ZNF532: variants seen among roughly 807,000 people sequenced by gnomAD.
ZNF532 encodes the protein zinc finger protein 532.
Under a neutral mutation model 89.3 loss-of-function variants are expected in ZNF532, and 22 were observed. That is an observed-to-expected ratio of 0.25 (90% CI 0.18 to 0.35). The LOEUF is 0.35. Ranked by LOEUF, ZNF532 falls within the 10% of genes least tolerant of loss-of-function variation. ZNF532 has a pLI of 1.00. For synonymous variants in ZNF532, 606 were observed against 649.6 expected (o/e 0.93, Z 1.02); for missense variants, 1,132 against 1,643.4 (o/e 0.69, Z 5.38).
chr18:58,972,110 A>AT (rs1331782586), intron 7 of ZNF532, among the ~76,000 whole-genome samples: 32 of 152,218 alleles, frequency 2.1e-4, no homozygotes, highest in African/African-American at 7.5e-4. Context: ...AGGCTGAGGT[A>AT]CGAGAATCAC....
At chr18:58,903,316 A>C (rs1255302995) in intron 2 of ZNF532, among the ~76,000 whole-genome samples, 1 of 152,212 alleles carries the variant, frequency 6.6e-6, no homozygotes, top group African/African-American at 2.4e-5. Flanking sequence ...CACACGCGGA[A>C]CCGCAGCAGC....
intron 2 of ZNF532, among the ~76,000 whole-genome samples, chr18:58,907,390 C>T (rs747154417): frequency 1.3e-5 from 2 of 151,952 alleles, no homozygotes; most frequent in Non-Finnish European, 2.9e-5. Context: ...TTTACCATGT[C>T]AGCCAGGCTG....
chr18:58,872,733 T>C (rs568758968), intron 2 of ZNF532, among the ~76,000 whole-genome samples: 1 of 151,176 alleles, frequency 6.6e-6, no homozygotes, highest in Admixed American at 6.6e-5. Context: ...CGAGTTTTGC[T>C]GTGTCGCTCA....
At chr18:58,890,031 C>G (rs911635056) in intron 2 of ZNF532, among the ~76,000 whole-genome samples, 2 of 151,596 alleles carry the variant, frequency 1.3e-5, no homozygotes, top group African/African-American at 2.4e-5. Context: ...TGTGGTAAGC[C>G]AAGATCGCGC....
intron 2 of ZNF532, among the ~76,000 whole-genome samples, chr18:58,870,964 C>T (rs749714383): frequency 1.3e-5 from 2 of 151,980 alleles, no homozygotes; most frequent in Non-Finnish European, 2.9e-5. Flanking sequence ...AGGAGGGTTG[C>T]TTGGGCTGGA....
At chr18:58,924,296 C>G (rs982189264) in intron 3 of ZNF532, among the ~76,000 whole-genome samples, 1 of 152,244 alleles carries the variant, frequency 6.6e-6, no homozygotes, top group African/African-American at 2.4e-5. Context: ...CCTGTGCTTT[C>G]TGGGGTAGGA....
intron 2 of ZNF532, among the ~76,000 whole-genome samples, chr18:58,889,628 C>T (rs1258226640): frequency 6.7e-6 from 1 of 149,562 alleles, no homozygotes; most frequent in African/African-American, 2.5e-5. Context: ...GGTGAAACCC[C>T]CTCTCTACTA....
intron 2 of ZNF532, among the ~76,000 whole-genome samples, chr18:58,897,743 A>G (rs144164328): frequency 6.6e-6 from 1 of 152,342 alleles, no homozygotes; most frequent in Non-Finnish European, 1.5e-5. Flanking sequence ...ACCTGAGATC[A>G]GGAGTTTGAG....
In ZNF532 at chr18:58,970,383, GAAAT is replaced by G. The variant is rs1457965009; in HGVS notation, c.3151-8669_3151-8666del. Among the ~76,000 whole-genome samples the G allele has an allele frequency of 3.3e-5, 5 of 152,302 alleles. No homozygotes were observed. In the East Asian group the frequency reaches 9.6e-4, roughly 29 times the overall value. On this transcript the variant is annotated intron_variant, in intron 7 of 9. Coordinates refer to ENST00000591808, the MANE Select transcript of ZNF532 (RefSeq NM_001375912.1). ...TTCTCTGAGAACAGGAATAATAAGA[GAAAT>G]AACATGTCACCCATCTGTAGATGGA...
intron 4 of ZNF532, among the ~76,000 whole-genome samples, chr18:58,937,546 T>A (rs1444449678): frequency 1.3e-5 from 2 of 152,218 alleles, no homozygotes; most frequent in Non-Finnish European, 2.9e-5. Context: ...TGACTTTAGG[T>A]AATTATTGCT....
intron 2 of ZNF532, among the ~76,000 whole-genome samples, chr18:58,888,724 T>TATATATA (rs753186648): frequency 2.6e-5 from 1 of 37,824 alleles, no homozygotes; most frequent in African/African-American, 1.3e-4. Flanking sequence ...TATATATATA[T>TATATATA]AAATTATATA....
intron 7 of ZNF532, among the ~76,000 whole-genome samples, chr18:58,969,958 C>T (rs1219346694): frequency 7.1e-6 from 1 of 141,116 alleles, no homozygotes. Context: ...GATCTCAGCT[C>T]ACTGCAACCT....
intron 9 of ZNF532, among the ~76,000 whole-genome samples, chr18:58,982,737 C>T (rs1035195171): frequency 3.9e-5 from 6 of 152,150 alleles, no homozygotes; most frequent in Admixed American, 2.0e-4. Flanking sequence ...AGTTAATCAT[C>T]GAGTAAAACC....
chr18:58,977,329 T>C (rs563594554), intron 7 of ZNF532, among the ~76,000 whole-genome samples: 27 of 152,142 alleles, frequency 1.8e-4, no homozygotes, highest in Admixed American at 3.3e-4. Context: ...CCCCGTGTTC[T>C]CGAAGCGTCC....
intron 2 of ZNF532, among the ~76,000 whole-genome samples, chr18:58,876,505 C>A (rs2057443555): frequency 6.6e-6 from 1 of 152,162 alleles, no homozygotes; most frequent in African/African-American, 2.4e-5. Flanking sequence ...GACATGGGGG[C>A]CAGGACTGTT....
chr18:58,952,997 C>G (rs988717254), intron 6 of ZNF532, among the ~76,000 whole-genome samples: 1 of 152,156 alleles, frequency 6.6e-6, no homozygotes, highest in Non-Finnish European at 1.5e-5. Context: ...CCAGCAAAAA[C>G]CCAGACTGTT....
rs200882873 is a variant in ZNF532 at position 58,918,389 on chromosome 18, C to T, written c.102C>T (p.His34=). 128 of 1,614,168 alleles carry T rather than the reference C, an allele frequency of 7.9e-5. No homozygotes were observed. In the East Asian group the frequency reaches 2.1e-3, roughly 27 times the overall value. The change falls in exon 3 of 10, where the codon CAC becomes CAT. Residue 34 remains histidine, a synonymous_variant. Coordinates refer to ENST00000591808, the MANE Select transcript of ZNF532 (RefSeq NM_001375912.1). ...CTAAAGCAGCTATTGAGTCTGGACA[C>T]GATGACCATGAAAGCCACATGAAGC... ...VDPKAAIESG[H]DDHESHMKQN...
rs536846952 is a variant in ZNF532 at position 58,948,725 on chromosome 18, A to G, written c.2868+496A>G. Among the ~76,000 whole-genome samples the G allele has an allele frequency of 3.3e-5, 5 of 151,764 alleles. No individual in the cohort carries two copies. The South Asian group carries it at 8.3e-4, about 25-fold the overall frequency. ...TGGGATTACAGGCGTGTACCACCACACCCGGCTAATTTTTATATTTTTAGT... is the reference window on the plus strand; with the variant it reads ...TGGGATTACAGGCGTGTACCACCACGCCCGGCTAATTTTTATATTTTTAGT... On this transcript the variant is annotated intron_variant, in intron 6 of 9. Coordinates refer to ENST00000591808, the MANE Select transcript of ZNF532 (RefSeq NM_001375912.1).
chr18:58,922,139 C>T (rs1308185762), intron 3 of ZNF532, among the ~76,000 whole-genome samples: 1 of 151,876 alleles, frequency 6.6e-6, no homozygotes, highest in East Asian at 1.9e-4. Flanking sequence ...TTGTGAAATT[C>T]AAAGGGAGCA....
Sources: allele counts gnomAD v4.1 joint callset (sites outside exome capture counted in the v4.1 genomes callset), GRCh38; gene constraint gnomAD v4.1.1; transcripts MANE v1.5; gene names NCBI Gene and HGNC (gene_info 2026-07-23, HGNC 2026-07-21).